The following FOXP2 variants were observed in gnomAD, a reference collection of about 807,000 sequenced individuals.
FOXP2 encodes the protein forkhead box P2.
A neutral mutation model predicts 115.8 loss-of-function variants in FOXP2; 12 were observed. The observed-to-expected ratio is 0.10, with a 90% CI of 0.07 to 0.17. The LOEUF is 0.17. Ranked by LOEUF, FOXP2 falls within the 10% of genes least tolerant of loss-of-function variation. The pLI, the probability that FOXP2 is intolerant of heterozygous loss-of-function variation, is 1.00. For synonymous variants in FOXP2, 328 were observed against 297.7 expected, an observed-to-expected ratio of 1.10 and a Z score of -1.05; for missense variants, 629 against 843.5, an observed-to-expected ratio of 0.75 and a Z score of 3.15.
chr7:114,494,227 T>C (rs2129246581), intron 2 of FOXP2, among the ~76,000 whole-genome samples: 1 of 152,308 alleles, frequency 6.6e-6, no homozygotes, highest in Non-Finnish European at 1.5e-5. Flanking sequence ...ACTTAGAATA[T>C]TCATAACATA....
intron 7 of FOXP2, among the ~76,000 whole-genome samples, chr7:114,643,983 T>G (rs918528259): frequency 2.6e-5 from 4 of 152,190 alleles, no homozygotes; most frequent in African/African-American, 9.6e-5. Flanking sequence ...GGCCTTCATT[T>G]GAGTATCATG....
chr7:114,184,460 C>T lies in FOXP2; in HGVS notation c.-102+21372C>T, dbSNP rs1274283276. On this transcript the variant is annotated intron_variant, in intron 1 of 17. Transcript: ENST00000634411. ...ATTTTTAGCTATAGGACATTGGGGG[C>T]AATTATTAAGCATAAATGATTTATG... 2.0e-5 allele frequency among the ~76,000 whole-genome samples: 3 copies of T among 151,984 alleles called. No individual in the cohort carries two copies. In the East Asian group the frequency reaches 5.8e-4, roughly 29 times the overall value.
At chr7:114,382,804 G>A (rs2129192185) in intron 2 of FOXP2, among the ~76,000 whole-genome samples, 1 of 152,272 alleles carries the variant, frequency 6.6e-6, no homozygotes, top group South Asian at 2.1e-4. Flanking sequence ...TGACAGGGAG[G>A]TGTGCTTCCT....
intron 2 of FOXP2, among the ~76,000 whole-genome samples, chr7:114,430,226 G>A (rs1444306592): frequency 6.6e-6 from 1 of 151,620 alleles, no homozygotes; most frequent in Admixed American, 6.6e-5. Context: ...GAAAAGTACC[G>A]ACTTTAGATT....
chr7:114,309,918 G>T (rs551446105), intron 2 of FOXP2, among the ~76,000 whole-genome samples: 1 of 151,676 alleles, frequency 6.6e-6, no homozygotes, highest in Non-Finnish European at 1.5e-5. Context: ...TCCCACCTTG[G>T]CCTCCCACAG....
chr7:114,176,246 TTC>T (rs200287921), intron 1 of FOXP2, among the ~76,000 whole-genome samples: 123 of 147,492 alleles, frequency 8.3e-4, no homozygotes, highest in Non-Finnish European at 9.0e-4. Context: ...CTTTCTTTCT[TTC>T]TCTCTCTCTC....
At chr7:114,542,033 A>C (rs1476008416) in intron 3 of FOXP2, among the ~76,000 whole-genome samples, 1 of 152,106 alleles carries the variant, frequency 6.6e-6, no homozygotes. Context: ...AATTATTTTG[A>C]AATTTACTTA....
At chr7:114,098,054 A>C (rs1799688288) in intron 1 of FOXP2, among the ~76,000 whole-genome samples, 1 of 152,242 alleles carries the variant, frequency 6.6e-6, no homozygotes, top group Admixed American at 6.5e-5. Context: ...TGGGACATAG[A>C]GCATGAAAAG....
intron 2 of FOXP2, among the ~76,000 whole-genome samples, chr7:114,357,173 T>C (rs1259130132): frequency 6.6e-6 from 1 of 152,112 alleles, no homozygotes; most frequent in African/African-American, 2.4e-5. Flanking sequence ...TAGACTCTCA[T>C]TTGCTGGGAA....
chr7:114,114,278 C>T (rs941759297), intron 1 of FOXP2, among the ~76,000 whole-genome samples: 4 of 150,298 alleles, frequency 2.7e-5, no homozygotes, highest in African/African-American at 9.8e-5. Context: ...CACACACACA[C>T]ATATATATAA....
intron 1 of FOXP2, among the ~76,000 whole-genome samples, chr7:114,235,577 A>T (rs1794988805): frequency 6.6e-6 from 1 of 152,142 alleles, no homozygotes; most frequent in African/African-American, 2.4e-5. Context: ...TAGTACACTG[A>T]ATTTCTATTT....
At chr7:114,379,686 A>G (rs919097330) in intron 2 of FOXP2, among the ~76,000 whole-genome samples, 2 of 152,134 alleles carry the variant, frequency 1.3e-5, no homozygotes, top group Non-Finnish European at 2.9e-5. Context: ...CAAACTTAAC[A>G]AGGAGGTTAA....
In FOXP2 at chr7:114,406,803, C is replaced by T. The variant is rs78193808; in HGVS notation, c.-10-19699C>T. 1.3e-4 allele frequency among the ~76,000 whole-genome samples: 20 copies of T among 152,082 alleles called. No individual in the cohort carries two copies. The East Asian group carries it at 2.9e-3, about 22-fold the overall frequency. Reference sequence around the variant, plus strand: ...ATCCCTTTCTTTCTCCCTCAGTTCCCGCTTTACCTCCTCCCTCTCTCCCTA... The same window carrying T: ...ATCCCTTTCTTTCTCCCTCAGTTCCTGCTTTACCTCCTCCCTCTCTCCCTA... On this transcript the variant is annotated intron_variant, in intron 2 of 17. Transcript: ENST00000634411.
chr7:114,356,870 C>A (rs1295101244), intron 2 of FOXP2, among the ~76,000 whole-genome samples: 1 of 152,100 alleles, frequency 6.6e-6, no homozygotes, highest in Non-Finnish European at 1.5e-5. Context: ...AGAAATAGGG[C>A]TATTCCACAG....
At position 114,629,452 on chromosome 7, in the gene FOXP2, T is replaced by C; in HGVS notation, c.397-353T>C. ...ATAAGAATTGAGCAACCTGATTTTATGTAGCTAAATTTTTATTCTTACAAC... is the reference window on the plus strand; with the variant it reads ...ATAAGAATTGAGCAACCTGATTTTACGTAGCTAAATTTTTATTCTTACAAC... On this transcript the variant is annotated intron_variant, in intron 4 of 16. Coordinates refer to ENST00000350908, the MANE Select transcript of FOXP2 (RefSeq NM_014491.4). 6 of 715,448 alleles carry C rather than the reference T, an allele frequency of 8.4e-6. No homozygotes were observed. The South Asian group carries it at 9.5e-5, about 11-fold the overall frequency. The allele number at this position is 715,448 out of a possible 1,614,324, so 44.3% of individuals were successfully genotyped here.
chr7:114,341,344 T>C (rs1392992883), intron 2 of FOXP2, among the ~76,000 whole-genome samples: 3 of 151,228 alleles, frequency 2.0e-5, no homozygotes. Context: ...AGTATTATCA[T>C]GTAGTGTCTG....
chr7:114,693,418 A>C lies in FOXP2; in HGVS notation c.*3492A>C. 1 of 453,638 alleles carries C rather than the reference A, an allele frequency of 2.2e-6. No individual in the cohort carries two copies. Among genetic ancestry groups the C allele is most frequent in the Non-Finnish European group, 4.4e-6 (1 of 226,552 alleles). 28.1% of individuals were successfully genotyped at this position (453,638 alleles called of 1,614,324 possible). ...CAAAATCCAATATGATATTTTGTAAAGTTTTCAAGTTGGACATTTACATTT... is the reference window on the plus strand; with the variant it reads ...CAAAATCCAATATGATATTTTGTAACGTTTTCAAGTTGGACATTTACATTT... On this transcript the variant is annotated 3_prime_UTR_variant, in exon 17 of 17. Transcript: ENST00000350908.
chr7:114,631,383 A>T, intron 5 of FOXP2, 145 bp from the exon 6 acceptor site: 1 of 1,348,302 alleles, frequency 7.4e-7, no homozygotes, highest in Non-Finnish European at 1.0e-6. Context: ...TCTAGAACTT[A>T]CTCACATTCT....
intron 2 of FOXP2, among the ~76,000 whole-genome samples, chr7:114,296,754 T>A (rs1373906874): frequency 2.6e-5 from 4 of 152,300 alleles, no homozygotes; most frequent in Admixed American, 6.5e-5. Flanking sequence ...AGATCTCTTA[T>A]ATGATTGCTA....
Sources: allele counts gnomAD v4.1 joint callset (sites outside exome capture counted in the v4.1 genomes callset), GRCh38; gene constraint gnomAD v4.1.1; transcripts MANE v1.5; gene names NCBI Gene and HGNC (gene_info 2026-07-23, HGNC 2026-07-21).